Variants in CXCL12 observed in about 807,000 individuals in gnomAD.
CXCL12 encodes C-X-C motif chemokine ligand 12.
Under a neutral mutation model 10.7 loss-of-function variants are expected in CXCL12, and 4 were observed. The observed-to-expected ratio is 0.37, with a 90% confidence interval of 0.18 to 0.86. The LOEUF is 0.86. Ranked by LOEUF, CXCL12 falls within the 40% of genes least tolerant of loss-of-function variation. CXCL12 has a pLI of 0.43. For synonymous variants in CXCL12, 54 were observed against 45.4 expected, an observed-to-expected ratio of 1.19 and a Z score of -0.77; for missense variants, 122 against 110.4, an observed-to-expected ratio of 1.10 and a Z score of -0.47.
intron 2 of CXCL12, among the ~76,000 whole-genome samples, chr10:44,379,320 C>T (rs1839557525): frequency 6.6e-6 from 1 of 151,984 alleles, no homozygotes; most frequent in Non-Finnish European, 1.5e-5. Context: ...AAAATAGTTT[C>T]TAGAAAGATT....
At chr10:44,371,516 A>G (rs747502367), downstream of CXCL12, 16 of 205,838 alleles carry the variant, frequency 7.8e-5, no homozygotes, top group East Asian at 1.6e-4. Context: ...CTCAGGCTCT[A>G]TTTTTTCAAT....
intron 1 of CXCL12, 127 bp from the exon 2 acceptor site, chr10:44,381,007 T>C: frequency 1.3e-6 from 1 of 794,852 alleles, no homozygotes; most frequent in East Asian, 2.4e-5. Context: ...AAGTTCCAGG[T>C]TACTGGTGTA....
downstream of CXCL12, chr10:44,372,072 G>A (rs1031864084): frequency 1.3e-5 from 2 of 152,286 alleles, no homozygotes; most frequent in Admixed American, 6.5e-5. Context: ...GGAGATGATG[G>A]CATTGCCAAA....
chr10:44,373,416 C>CT, downstream of CXCL12: 2 of 1,349,854 alleles, frequency 1.5e-6, no homozygotes, highest in Non-Finnish European at 2.1e-6. Flanking sequence ...AGAAGGACAG[C>CT]GGCCTGCGCG....
intron 2 of CXCL12, 41 bp downstream of exon 2, chr10:44,380,722 G>C (rs750988737): frequency 6.6e-6 from 10 of 1,505,340 alleles, no homozygotes; most frequent in East Asian, 4.5e-5. Context: ...TTCGTTAGAT[G>C]CAACTATGTT....
rs766826869 is a variant in CXCL12, at chr10:44,377,639, A to G, written c.*994T>C. The G allele has an allele frequency of 8.4e-6, 13 of 1,542,966 alleles. No homozygotes were observed. The highest frequency in any genetic ancestry group is 1.1e-5 in the Non-Finnish European group (13 of 1,151,800). On this transcript the variant is annotated 3_prime_UTR_variant, in exon 3 of 3. Coordinates refer to ENST00000343575, the MANE Select transcript of CXCL12 (RefSeq NM_199168.4). ...GTTTGTTAGTGCCTCCATGGCATACATAGGCTTCAGAGGCAATCACAAAAC... is the reference window on the plus strand; with the variant it reads ...GTTTGTTAGTGCCTCCATGGCATACGTAGGCTTCAGAGGCAATCACAAAAC...
chr10:44,378,745 A>G (rs1399887750), intron 2 of CXCL12, 22 bp from the exon 3 acceptor site: 2 of 1,613,312 alleles, frequency 1.2e-6, no homozygotes, highest in South Asian at 2.2e-5. Flanking sequence ...GAATGGCAAC[A>G]GTGTGCGGCT....
chr10:44,380,693 C>A lies in CXCL12; in HGVS notation c.179+70G>T, dbSNP rs147038711. ...TCACCTCTACACCTTTAATAAGACT[C>A]GGGTTAGATGTTACTATGTTCGTTA... On this transcript the variant is annotated intron_variant, in intron 2 of 2. Transcript: ENST00000343575. 9.1e-6 allele frequency: 12 copies of A among 1,314,118 alleles called. No individual in the cohort carries two copies. The African/African-American group carries it at 1.3e-4, about 14-fold the overall frequency. 81.4% of individuals were successfully genotyped at this position (1,314,118 alleles called of 1,614,324 possible).
chr10:44,381,133 G>A (rs1013249797), intron 1 of CXCL12, among the ~76,000 whole-genome samples: 6 of 152,180 alleles, frequency 3.9e-5, no homozygotes, highest in Non-Finnish European at 8.8e-5. Flanking sequence ...TAGATGAGGC[G>A]GGAGTTTAAA....
In CXCL12 at chr10:44,377,395, G is replaced by C. The variant is rs1406480765; in HGVS notation, c.*1238C>G. The C allele has an allele frequency of 9.3e-7, 1 of 1,070,622 alleles. No individual in the cohort carries two copies. Among genetic ancestry groups the C allele is most frequent in the Non-Finnish European group, 1.1e-6 (1 of 882,754 alleles). 66.3% of individuals were successfully genotyped at this position (1,070,622 alleles called of 1,614,324 possible). On this transcript the variant is annotated 3_prime_UTR_variant, in exon 3 of 3. Coordinates refer to ENST00000343575, the MANE Select transcript of CXCL12 (RefSeq NM_199168.4). ...AAATACATTTGTTTTCTAAAGAAACGTAAAAAAAAATGTGCACAAAAATAT... is the reference window on the plus strand; with the variant it reads ...AAATACATTTGTTTTCTAAAGAAACCTAAAAAAAAATGTGCACAAAAATAT...
At chr10:44,381,426 C>T (rs552410795) in intron 1 of CXCL12, among the ~76,000 whole-genome samples, 1 of 152,138 alleles carries the variant, frequency 6.6e-6, no homozygotes, top group African/African-American at 2.4e-5. Flanking sequence ...ACCTAAAGCT[C>T]TGGAAGGCAC....
At chr10:44,379,259 C>A (rs1839555846) in intron 2 of CXCL12, among the ~76,000 whole-genome samples, 1 of 151,884 alleles carries the variant, frequency 6.6e-6, no homozygotes, top group African/African-American at 2.4e-5. Context: ...GCGGTCTGAC[C>A]GGGAGGGTGA....
chr10:44,377,811 G>C lies in CXCL12; in HGVS notation c.*822C>G. The C allele has an allele frequency of 6.3e-7, 1 of 1,597,716 alleles. No individual in the cohort carries two copies. On this transcript the variant is annotated 3_prime_UTR_variant, in exon 3 of 3. Coordinates refer to ENST00000343575, the MANE Select transcript of CXCL12 (RefSeq NM_199168.4). ...GGAGGCCAAAGACGGATCTCACAGA[G>C]GGCCCGAGCTGTGGGGCAGGCCCTG...
chr10:44,371,017 G>C (rs567178798), downstream of CXCL12: 1 of 174,582 alleles, frequency 5.7e-6, no homozygotes, highest in Non-Finnish European at 1.2e-5. Flanking sequence ...AGGTCCCGGA[G>C]GGACAGATGA....
At position 44,385,080 on chromosome 10, in the gene CXCL12, G is replaced by A. The variant is rs971026304; in HGVS notation, c.-75C>T. The stretch of plus-strand genomic sequence containing the variant: ...ACGCCGAGCGGGCAATGCGGCTGAC[G>A]GAGAGTGAAAGTGCGGCGGTGGGAG... On this transcript the variant is annotated 5_prime_UTR_variant, in exon 1 of 3. Transcript: ENST00000343575. 9.3e-6 allele frequency: 11 copies of A among 1,185,680 alleles called. No individual in the cohort carries two copies. Among genetic ancestry groups the A allele is most frequent in the South Asian group, 3.2e-5 (2 of 61,666 alleles). The allele number at this position is 1,185,680 out of a possible 1,614,324, so 73.4% of individuals were successfully genotyped here. A position where few individuals can be genotyped will look rare whatever the true frequency, so the allele number is the denominator to read the frequency against.
At chr10:44,374,400 C>T (rs762404632), downstream of CXCL12, 10 of 452,504 alleles carry the variant, frequency 2.2e-5, no homozygotes, top group Non-Finnish European at 4.0e-5. Flanking sequence ...CTGGCTTCCA[C>T]GGGAAGGATG....
Position 44,377,416 on chromosome 10 carries a change from A to G in CXCL12, c.*1217T>C. On this transcript the variant is annotated 3_prime_UTR_variant, in exon 3 of 3. Coordinates refer to ENST00000343575, the MANE Select transcript of CXCL12 (RefSeq NM_199168.4). ...AAACGTAAAAAAAAATGTGCACAAA[A>G]ATATATATAAAAAAATGCCTTGCAA... is the stretch of plus-strand genomic sequence containing the variant. The G allele has an allele frequency of 9.1e-7, 1 of 1,104,536 alleles. No individual in the cohort carries two copies. The highest frequency in any genetic ancestry group is 1.1e-6 in the Non-Finnish European group (1 of 905,024). The allele number at this position is 1,104,536 out of a possible 1,614,324, so 68.4% of individuals were successfully genotyped here.
Position 44,377,504 on chromosome 10 carries a change from C to A in CXCL12, c.*1129G>T. 1 of 1,364,684 alleles carries A rather than the reference C, an allele frequency of 7.3e-7. No individual in the cohort carries two copies. Among genetic ancestry groups the A allele is most frequent in the Non-Finnish European group, 9.4e-7 (1 of 1,063,894 alleles). 84.5% of individuals were successfully genotyped at this position (1,364,684 alleles called of 1,614,324 possible). A position where few individuals can be genotyped will look rare whatever the true frequency, so the allele number is the denominator to read the frequency against. On this transcript the variant is annotated 3_prime_UTR_variant, in exon 3 of 3. Transcript: ENST00000343575. ...ATTTATGCATGGAAATGTCACCTTG[C>A]CAACAGTTCTGATTGGAACCTGAAA... is the stretch of plus-strand genomic sequence containing the variant.
At chr10:44,373,286 G>A (rs954168845), downstream of CXCL12, 3 of 1,597,152 alleles carry the variant, frequency 1.9e-6, no homozygotes, top group Non-Finnish European at 2.6e-6. Context: ...TGGTTTCAGA[G>A]CTGGGCTCCT....
Sources: allele counts gnomAD v4.1 joint callset (sites outside exome capture counted in the v4.1 genomes callset), GRCh38; gene constraint gnomAD v4.1.1; transcripts MANE v1.5; gene names NCBI Gene and HGNC (gene_info 2026-07-23, HGNC 2026-07-21).